The following EZH1 variants were observed in gnomAD, a reference collection of about 807,000 sequenced individuals.
EZH1 encodes enhancer of zeste 1 polycomb repressive complex 2 subunit.
A neutral mutation model predicts 100.5 loss-of-function variants in EZH1; 33 were observed. The ratio of observed to expected loss-of-function variants is 0.33; its 90% confidence interval spans 0.25 to 0.44. The LOEUF (loss-of-function observed/expected upper bound fraction) is 0.44, where lower values mean the gene tolerates loss of function less well. Ranked by LOEUF, EZH1 falls within the 20% of genes least tolerant of loss-of-function variation. EZH1 has a pLI of 1.00. For synonymous variants in EZH1, 272 were observed against 313.8 expected (o/e 0.87, Z 1.41); for missense variants, 475 against 928.4 (o/e 0.51, Z 6.35).
intron 17 of EZH1, 136 bp from the exon 18 acceptor site, chr17:42,704,819 A>G: frequency 5.5e-6 from 4 of 727,300 alleles, no homozygotes; most frequent in Non-Finnish European, 9.2e-6. Context: ...CAAGAGAGCA[A>G]GTTCAAGTTA....
intron 1 of EZH1, among the ~76,000 whole-genome samples, chr17:42,734,251 C>T (rs1193382067): frequency 6.6e-6 from 1 of 151,832 alleles, no homozygotes; most frequent in Non-Finnish European, 1.5e-5. Context: ...TGTTGACCAG[C>T]CTGGTCTGAA....
chr17:42,720,672 T>A (rs1048925370), intron 6 of EZH1, among the ~76,000 whole-genome samples: 3 of 152,124 alleles, frequency 2.0e-5, no homozygotes, highest in Non-Finnish European at 4.4e-5. Context: ...TTTTTATTAT[T>A]TTTTTTAGAC....
At chr17:42,724,732 C>A in intron 4 of EZH1, 1 of 221,580 alleles carries the variant, frequency 4.5e-6, no homozygotes, top group Admixed American at 4.9e-5. Context: ...GTTGAGTGAG[C>A]CACTGCACTC....
At position 42,718,018 on chromosome 17, in the gene EZH1, C is replaced by T. The variant is rs1334307425; in HGVS notation, c.981G>A (p.Lys327=). The change falls in exon 10 of 21, where the codon AAG becomes AAA. Residue 327 remains lysine, a synonymous_variant. Transcript: ENST00000428826. The surrounding 1 kb of genome is among the most constrained non-coding windows in gnomAD (Gnocchi z 4.2). ...CTGTGCCACATGGTTCTGGTTCAAT[C>T]TTGATTTCTTTATTCTTGCGTTTAT... ...NVYKRKNKEI[K]IEPEPCGTDC... 1.2e-6 allele frequency: 2 copies of T among 1,614,128 alleles called. No homozygotes were observed. Among genetic ancestry groups the T allele is most frequent in the Non-Finnish European group, 1.7e-6 (2 of 1,180,006 alleles).
intron 10 of EZH1, 89 bp from the exon 11 acceptor site, chr17:42,713,478 T>G: frequency 1.6e-6 from 2 of 1,216,710 alleles, no homozygotes; most frequent in Non-Finnish European, 2.2e-6. Context: ...TTACAACATC[T>G]GTCTACAATA....
In EZH1 at chr17:42,704,633, G is replaced by A. The variant is rs762829411; in HGVS notation, c.1986C>T (p.Tyr662=). ...TGAGGTTGAAGAGGAAGCTGGACAT[G>A]TATTTGTCATAGACCTTTCCGCGTC... ...ADRRGKVYDK[Y]MSSFLFNLNN... is the part of the protein sequence containing the mutation. Residue 662 remains tyrosine, a synonymous_variant, in exon 18 of 21, where the codon TAC becomes TAT. Coordinates refer to ENST00000428826, the MANE Select transcript of EZH1 (RefSeq NM_001991.5). The A allele has an allele frequency of 6.2e-7, 1 of 1,613,998 alleles. No individual in the cohort carries two copies. The highest frequency in any genetic ancestry group is 1.7e-5 in the Admixed American group (1 of 60,014).
chr17:42,725,614 CTA>C (rs1597850959), intron 4 of EZH1, among the ~76,000 whole-genome samples: 2 of 152,062 alleles, frequency 1.3e-5, no homozygotes, highest in African/African-American at 4.8e-5. Context: ...TTTGTGTCCT[CTA>C]TAGAGTTCAG....
intron 10 of EZH1, among the ~76,000 whole-genome samples, chr17:42,716,882 G>C (rs1597838513): frequency 6.6e-6 from 1 of 152,194 alleles, no homozygotes; most frequent in South Asian, 2.1e-4. Flanking sequence ...ATTTTCAGTA[G>C]AGACAGGGTT....
chr17:42,733,821 T>C (rs973821268), intron 1 of EZH1, among the ~76,000 whole-genome samples: 1 of 149,316 alleles, frequency 6.7e-6, no homozygotes, highest in African/African-American at 2.5e-5. Flanking sequence ...GGTGCCTGTA[T>C]TCCCAGTTAC....
At chr17:42,732,750 T>C (rs1001983506) in intron 1 of EZH1, among the ~76,000 whole-genome samples, 1 of 151,212 alleles carries the variant, frequency 6.6e-6, no homozygotes, top group Non-Finnish European at 1.5e-5. Context: ...GCCTGGGCGA[T>C]AGCGAGACTC....
chr17:42,709,105 A>G (rs1263471268), intron 13 of EZH1, 189 bp from the exon 14 acceptor site: 4 of 619,006 alleles, frequency 6.5e-6, no homozygotes, highest in Non-Finnish European at 1.2e-5. Context: ...GGCCTGTGCT[A>G]CAAGAGTTAA....
intron 10 of EZH1, among the ~76,000 whole-genome samples, chr17:42,715,156 GATT>G (rs1169761085): frequency 3.0e-4 from 40 of 132,276 alleles, no homozygotes; most frequent in Middle Eastern, 4.3e-3. Context: ...ATATATTATA[GATT>G]ATATGTATTT....
chr17:42,705,066 G>A (rs1421473930), intron 17 of EZH1, 22 bp downstream of exon 17: 6 of 1,588,860 alleles, frequency 3.8e-6, no homozygotes, highest in Non-Finnish European at 5.2e-6. Flanking sequence ...GTAAGAATGT[G>A]GGCCAAAACT....
intron 10 of EZH1, among the ~76,000 whole-genome samples, chr17:42,715,726 T>C (rs578212418): frequency 2.6e-5 from 4 of 152,174 alleles, no homozygotes; most frequent in African/African-American, 7.2e-5. Context: ...TTAAAAGTGA[T>C]AGAATTATTT....
chr17:42,715,731 T>G lies in EZH1; in HGVS notation c.1023+2245A>C, dbSNP rs202193626. On this transcript the variant is annotated intron_variant, in intron 10 of 20. Transcript: ENST00000428826. ...TAAAAAGATTTTAAAAGTGATAGAA[T>G]TATTTGAGATTAAAAACGAGTAAAA... Among the ~76,000 whole-genome samples, 36 of 152,146 alleles carry G rather than the reference T, an allele frequency of 2.4e-4. No individual in the cohort carries two copies. In the East Asian group the frequency reaches 6.4e-3, roughly 27 times the overall value.
chr17:42,702,617 C>T (rs1256107979), intron 20 of EZH1, 25 bp from the exon 21 acceptor site: 9 of 1,555,448 alleles, frequency 5.8e-6, no homozygotes, highest in Non-Finnish European at 7.0e-6. Flanking sequence ...GGAAGAGGAA[C>T]CAGGTTACTC....
At chr17:42,720,546 AT>A in intron 6 of EZH1, 97 bp from the exon 7 acceptor site, 2 of 1,042,614 alleles carry the variant, frequency 1.9e-6, no homozygotes, top group Non-Finnish European at 2.7e-6. Context: ...AGGCCCAGAT[AT>A]GTCACATGTG....
At chr17:42,743,883 G>T (rs1325027740) in intron 1 of EZH1, among the ~76,000 whole-genome samples, 1 of 152,112 alleles carries the variant, frequency 6.6e-6, no homozygotes, top group African/African-American at 2.4e-5. Flanking sequence ...CTCTAATAGG[G>T]TTAGCACCTT....
intron 1 of EZH1, among the ~76,000 whole-genome samples, chr17:42,734,550 C>T (rs932698809): frequency 2.6e-5 from 4 of 151,692 alleles, no homozygotes; most frequent in Non-Finnish European, 5.9e-5. Flanking sequence ...TGCAGTCAGT[C>T]CCAGCTACTC....
Sources: allele counts gnomAD v4.1 joint callset (sites outside exome capture counted in the v4.1 genomes callset), GRCh38; gene constraint gnomAD v4.1.1; non-coding constraint Gnocchi (gnomAD v3.1); transcripts MANE v1.5; gene names NCBI Gene and HGNC (gene_info 2026-07-23, HGNC 2026-07-21).